Variants in TMEM132D observed in about 807,000 individuals in gnomAD.
The protein encoded by TMEM132D is transmembrane protein 132D, also known as mature OL transmembrane protein.
Under a neutral mutation model 62.3 loss-of-function variants are expected in TMEM132D, and 21 were observed. The observed-to-expected ratio is 0.34, with a 90% CI of 0.24 to 0.49. TMEM132D has a LOEUF of 0.49. TMEM132D is among the 20% of genes least tolerant of loss of function. The pLI, the probability that TMEM132D is intolerant of heterozygous loss-of-function variation, is 0.99. For synonymous variants in TMEM132D, 621 were observed against 575.6 expected (o/e 1.08, Z -1.13); for missense variants, 1,346 against 1,402.8 (o/e 0.96, Z 0.65).
At chr12:129,891,463 T>C (rs901304462) in intron 1 of TMEM132D, among the ~76,000 whole-genome samples, 1 of 152,190 alleles carries the variant, frequency 6.6e-6, no homozygotes, top group African/African-American at 2.4e-5. Context: ...GGAAATGCCG[T>C]TGGGTGCGGC....
intron 1 of TMEM132D, among the ~76,000 whole-genome samples, chr12:129,805,137 A>C (rs1871937146): frequency 6.6e-6 from 1 of 151,458 alleles, no homozygotes. Context: ...TACAGATTCA[A>C]TGTCATCCCC....
intron 5 of TMEM132D, among the ~76,000 whole-genome samples, chr12:129,188,434 T>G (rs1878279264): frequency 6.6e-6 from 1 of 152,162 alleles, no homozygotes; most frequent in African/African-American, 2.4e-5. Flanking sequence ...AAATAAATGC[T>G]CACTCTTTCA....
intron 5 of TMEM132D, among the ~76,000 whole-genome samples, chr12:129,127,910 G>T (rs1321862781): frequency 6.6e-6 from 1 of 152,228 alleles, no homozygotes; most frequent in East Asian, 1.9e-4. Context: ...GCGGCCTCAA[G>T]TATTTCTTGC....
chr12:129,115,601 T>A (rs553963553), intron 5 of TMEM132D, among the ~76,000 whole-genome samples: 1 of 152,270 alleles, frequency 6.6e-6, no homozygotes, highest in East Asian at 1.9e-4. Flanking sequence ...CCTGCCATGA[T>A]GAAGATATAT....
At chr12:129,881,694 T>C (rs1874603082) in intron 1 of TMEM132D, among the ~76,000 whole-genome samples, 1 of 151,460 alleles carries the variant, frequency 6.6e-6, no homozygotes, top group South Asian at 2.1e-4. Context: ...AGTAGAAAAG[T>C]CTCAAAAACT....
intron 5 of TMEM132D, among the ~76,000 whole-genome samples, chr12:129,127,420 C>T (rs1876246686): frequency 6.6e-6 from 1 of 152,144 alleles, no homozygotes; most frequent in Non-Finnish European, 1.5e-5. Context: ...TGTGAGTAGG[C>T]TTGGCAACCG....
intron 4 of TMEM132D, among the ~76,000 whole-genome samples, chr12:129,290,440 C>A (rs2135618752): frequency 1.3e-5 from 2 of 152,266 alleles, no homozygotes; most frequent in Middle Eastern, 6.8e-3. Flanking sequence ...CTGCTGCTAG[C>A]AGTAATAAGC....
intron 3 of TMEM132D, among the ~76,000 whole-genome samples, chr12:129,461,921 G>A (rs1353320197): frequency 6.6e-6 from 1 of 152,162 alleles, no homozygotes; most frequent in Non-Finnish European, 1.5e-5. Flanking sequence ...GACATTCTAG[G>A]AATTCCACAA....
At chr12:129,875,632 T>C (rs1662868737) in intron 1 of TMEM132D, among the ~76,000 whole-genome samples, 1 of 152,058 alleles carries the variant, frequency 6.6e-6, no homozygotes, top group African/African-American at 2.4e-5. Flanking sequence ...CTGTGGCTAC[T>C]CTGTGGCCTG....
At chr12:129,543,464 A>G (rs917481612) in intron 2 of TMEM132D, among the ~76,000 whole-genome samples, 1 of 152,212 alleles carries the variant, frequency 6.6e-6, no homozygotes, top group South Asian at 2.1e-4. Flanking sequence ...AATAAAACTT[A>G]CTGTAAGTTG....
At chr12:129,168,062 C>T (rs763194128) in intron 5 of TMEM132D, among the ~76,000 whole-genome samples, 1 of 152,210 alleles carries the variant, frequency 6.6e-6, no homozygotes, top group African/African-American at 2.4e-5. Context: ...GCCATATTCA[C>T]TGAGATAAAA....
chr12:129,460,770 T>C (rs563467033), intron 3 of TMEM132D, among the ~76,000 whole-genome samples: 2 of 152,336 alleles, frequency 1.3e-5, no homozygotes, highest in African/African-American at 4.8e-5. Context: ...TGTGTGTGTG[T>C]GATTAGTCCT....
rs530144285 is a variant in TMEM132D at position 129,779,779 on chromosome 12, C to T, written c.80-79081G>A. On this transcript the variant is annotated intron_variant, in intron 1 of 8. Coordinates refer to ENST00000422113, the MANE Select transcript of TMEM132D (RefSeq NM_133448.3). This position sits in a 1 kb window ranked among gnomAD's most constrained non-coding sequence, Gnocchi z 4.1. ...AACAGGATTTAAGGGGTCGCCTCCC[C>T]ACTCAAACTCATGACGGCCTTAAGG... 6.6e-6 allele frequency among the ~76,000 whole-genome samples: 1 copy of T among 152,102 alleles called. No individual in the cohort carries two copies. Among genetic ancestry groups the T allele is most frequent in the East Asian group, 1.9e-4 (1 of 5,182 alleles).
intron 5 of TMEM132D, among the ~76,000 whole-genome samples, chr12:129,143,281 G>T (rs1054788386): frequency 5.9e-5 from 9 of 152,112 alleles, no homozygotes; most frequent in African/African-American, 1.9e-4. Flanking sequence ...TACATTTACC[G>T]GGATATTATA....
intron 2 of TMEM132D, among the ~76,000 whole-genome samples, chr12:129,535,211 C>T (rs796207526): frequency 2.0e-5 from 3 of 152,288 alleles, no homozygotes; most frequent in African/African-American, 7.2e-5. Flanking sequence ...AGCAGTAGAC[C>T]AGAACAAGGG....
intron 4 of TMEM132D, among the ~76,000 whole-genome samples, chr12:129,218,227 T>C (rs1293626377): frequency 6.6e-6 from 1 of 152,242 alleles, no homozygotes; most frequent in African/African-American, 2.4e-5. Context: ...TAAATTCATT[T>C]TTAAAAATGT....
chr12:129,329,786 TCA>T (rs1339750096), intron 4 of TMEM132D, among the ~76,000 whole-genome samples: 2 of 152,106 alleles, frequency 1.3e-5, no homozygotes, highest in Non-Finnish European at 2.9e-5. Context: ...TTGAGCATAA[TCA>T]CAGTACTGGA....
intron 5 of TMEM132D, among the ~76,000 whole-genome samples, chr12:129,152,758 C>A (rs1408943210): frequency 6.6e-6 from 1 of 152,166 alleles, no homozygotes; most frequent in Non-Finnish European, 1.5e-5. Flanking sequence ...TTTGCCCTCA[C>A]GTTCGTTTCT....
chr12:129,694,237 A>T (rs1416875408), intron 2 of TMEM132D, among the ~76,000 whole-genome samples: 4 of 152,194 alleles, frequency 2.6e-5, no homozygotes, highest in African/African-American at 9.6e-5. Flanking sequence ...TCGATGTGAT[A>T]AACATGGCAC....
Sources: allele counts gnomAD v4.1 joint callset (sites outside exome capture counted in the v4.1 genomes callset), GRCh38; gene constraint gnomAD v4.1.1; non-coding constraint Gnocchi (gnomAD v3.1); transcripts MANE v1.5; gene names NCBI Gene and HGNC (gene_info 2026-07-23, HGNC 2026-07-21).